The following MAN2A1 variants were observed in gnomAD, a reference collection of about 807,000 sequenced individuals.
The protein encoded by MAN2A1 is mannosidase alpha class 2A member 1.
In MAN2A1, 76 loss-of-function variants were observed where a neutral mutation model predicts 142.6. That is an observed-to-expected ratio of 0.53 (90% CI 0.44 to 0.65). MAN2A1 has a LOEUF of 0.65. MAN2A1 is among the 30% of genes least tolerant of loss of function. The probability of loss-of-function intolerance (pLI) is 0.00; values close to 1 mark genes in which losing one functional copy is unlikely to be tolerated. For synonymous variants in MAN2A1, 559 were observed against 473.2 expected (o/e 1.18, Z -2.35); for missense variants, 1,311 against 1,365.1 (o/e 0.96, Z 0.62).
At chr5:109,841,162 A>G (rs986706914) in intron 16 of MAN2A1, among the ~76,000 whole-genome samples, 6 of 152,082 alleles carry the variant, frequency 3.9e-5, no homozygotes, top group African/African-American at 9.7e-5. Context: ...AAAAATTTCC[A>G]TAGGTTATTG....
intron 8 of MAN2A1, among the ~76,000 whole-genome samples, chr5:109,775,609 C>T (rs1753268103): frequency 6.6e-6 from 1 of 152,020 alleles, no homozygotes; most frequent in Admixed American, 6.6e-5. Context: ...CTTGTTTCAG[C>T]CATGCCACAC....
At position 109,690,524 on chromosome 5, in the gene MAN2A1, A is replaced by G. The variant is rs773004910; in HGVS notation, c.107A>G (p.Asn36Ser). 6.2e-7 allele frequency: 1 copy of G among 1,611,176 alleles called. No homozygotes were observed. The highest frequency in any genetic ancestry group is 8.5e-7 in the Non-Finnish European group (1 of 1,178,660). ...LDRGHLDYPR[N>S]PRREGSFPQG... ...CGGGGTCACTTAGACTACCCCAGGA[A>G]CCCGCGCCGCGAGGGCTCCTTCCCT... Residue 36 changes from asparagine (N) to serine (S), a missense_variant, in exon 1 of 22, where the codon AAC becomes AGC. Around this residue, in one of 3 missense-constraint regions of MAN2A1, gnomAD observed 409 missense variants for 412.7 expected, o/e 0.99. Transcript: ENST00000261483.
intron 12 of MAN2A1, among the ~76,000 whole-genome samples, chr5:109,815,611 T>A (rs1234278262): frequency 6.6e-6 from 1 of 152,226 alleles, no homozygotes; most frequent in Admixed American, 6.5e-5. Context: ...AATTTATAAG[T>A]CTAGTGTCAT....
intron 3 of MAN2A1, among the ~76,000 whole-genome samples, chr5:109,726,677 A>C (rs2112579789): frequency 6.6e-6 from 1 of 152,320 alleles, no homozygotes; most frequent in East Asian, 1.9e-4. Context: ...TTCATTCATC[A>C]CAGATTATAA....
chr5:109,850,487 A>G (rs1382577281), intron 19 of MAN2A1, among the ~76,000 whole-genome samples: 1 of 152,204 alleles, frequency 6.6e-6, no homozygotes, highest in Non-Finnish European at 1.5e-5. Context: ...AAGAATTAGT[A>G]TCCACTTTAG....
At chr5:109,719,342 T>A (rs1030417877) in intron 3 of MAN2A1, among the ~76,000 whole-genome samples, 2 of 152,226 alleles carry the variant, frequency 1.3e-5, no homozygotes, top group African/African-American at 2.4e-5. Flanking sequence ...AAGAATCCAC[T>A]GACTTAATAA....
chr5:109,723,835 T>C (rs1413519555), intron 3 of MAN2A1, among the ~76,000 whole-genome samples: 1 of 152,240 alleles, frequency 6.6e-6, no homozygotes, highest in Non-Finnish European at 1.5e-5. Context: ...TTTTTCTCTC[T>C]CCAGATGATG....
chr5:109,790,809 C>G (rs919988779), intron 12 of MAN2A1, among the ~76,000 whole-genome samples: 1 of 151,894 alleles, frequency 6.6e-6, no homozygotes, highest in African/African-American at 2.4e-5. Context: ...ATAATATATG[C>G]TGATATAAGT....
chr5:109,731,227 T>G (rs1288077359), intron 4 of MAN2A1, among the ~76,000 whole-genome samples: 2 of 151,908 alleles, frequency 1.3e-5, no homozygotes, highest in African/African-American at 4.8e-5. Context: ...ATGTTGGAAT[T>G]CTCCTCTTTT....
At position 109,869,601 on chromosome 5, in the gene MAN2A1, T is replaced by C. The variant is rs1321747422; in HGVS notation, c.*2603T>C. 3 of 152,190 alleles carry C rather than the reference T, an allele frequency of 2.0e-5. No homozygotes were observed. Among genetic ancestry groups the C allele is most frequent in the African/African-American group, 7.2e-5 (3 of 41,456 alleles). The allele number at this position is 152,190 out of a possible 1,614,324, so 9.4% of individuals were successfully genotyped here. A position where few individuals can be genotyped will look rare whatever the true frequency, so the allele number is the denominator to read the frequency against. ...TTGGGAATATGTAATATAAGATCTC[T>C]AATAAAAGATAATCTTATCATGTAC... On this transcript the variant is annotated 3_prime_UTR_variant, in exon 22 of 22. Transcript: ENST00000261483.
chr5:109,751,001 T>C (rs1293399521), intron 4 of MAN2A1, among the ~76,000 whole-genome samples: 1 of 152,126 alleles, frequency 6.6e-6, no homozygotes, highest in Non-Finnish European at 1.5e-5. Context: ...CTCTTTTAGC[T>C]GTTTTGAAAC....
intron 10 of MAN2A1, among the ~76,000 whole-genome samples, chr5:109,786,628 A>G (rs937115607): frequency 3.3e-5 from 5 of 152,114 alleles, no homozygotes; most frequent in African/African-American, 1.2e-4. Flanking sequence ...TTGAAAAGTC[A>G]TAAACAATTA....
Position 109,716,255 on chromosome 5 carries a change from A to G in MAN2A1, c.526A>G (p.Asn176Asp). The G allele has an allele frequency of 1.2e-6, 2 of 1,600,642 alleles. No individual in the cohort carries two copies. Among genetic ancestry groups the G allele is most frequent in the East Asian group, 4.5e-5 (2 of 44,632 alleles). ...LQVFVVPHSH[N>D]DPGWLKTFND... ...AGTCTTTGTGGTGCCTCATTCCCATAACGACCCAGGTAAAATTTGCACTTC... is the reference window on the plus strand; with the variant it reads ...AGTCTTTGTGGTGCCTCATTCCCATGACGACCCAGGTAAAATTTGCACTTC... Residue 176 changes from asparagine to aspartate, a missense_variant, in exon 3 of 22, where the codon AAC becomes GAC. Physicochemically the swap from Asn to Asp is conservative, Grantham distance 23 (BLOSUM62 1). Around this residue, in one of 3 missense-constraint regions of MAN2A1, gnomAD observed 409 missense variants for 412.7 expected, o/e 0.99. Transcript: ENST00000261483.
intron 16 of MAN2A1, among the ~76,000 whole-genome samples, chr5:109,831,838 T>C (rs1020911127): frequency 6.6e-6 from 1 of 152,052 alleles, no homozygotes; most frequent in Admixed American, 6.6e-5. Flanking sequence ...TGTGTATTTA[T>C]GTATACAGTT....
intron 12 of MAN2A1, among the ~76,000 whole-genome samples, chr5:109,806,337 A>C (rs549016337): frequency 6.6e-6 from 1 of 152,304 alleles, no homozygotes; most frequent in Admixed American, 6.5e-5. Context: ...GAACCATTCT[A>C]TGCTTCTGTA....
At chr5:109,830,486 T>A (rs759810) in intron 16 of MAN2A1, among the ~76,000 whole-genome samples, 1 of 152,028 alleles carries the variant, frequency 6.6e-6, no homozygotes, top group East Asian at 1.9e-4. Context: ...TAAATTCATC[T>A]TCTAAGAATG....
chr5:109,857,452 G>A (rs1451183122), intron 20 of MAN2A1, among the ~76,000 whole-genome samples: 1 of 152,126 alleles, frequency 6.6e-6, no homozygotes, highest in Admixed American at 6.5e-5. Context: ...AGCATAGATG[G>A]TAGAGGACAT....
intron 1 of MAN2A1, among the ~76,000 whole-genome samples, chr5:109,712,274 A>G (rs1751323027): frequency 6.6e-6 from 1 of 152,050 alleles, no homozygotes; most frequent in Non-Finnish European, 1.5e-5. Flanking sequence ...CTTGTGTGTT[A>G]TATGGTCTTT....
chr5:109,747,203 A>AT (rs950685856), intron 4 of MAN2A1, among the ~76,000 whole-genome samples: 10 of 151,438 alleles, frequency 6.6e-5, no homozygotes, highest in African/African-American at 1.2e-4. Flanking sequence ...TCTATGTTTA[A>AT]TTTTTTTTTA....
Sources: allele counts gnomAD v4.1 joint callset (sites outside exome capture counted in the v4.1 genomes callset), GRCh38; gene constraint gnomAD v4.1.1; regional missense constraint gnomAD v4.1.1; transcripts MANE v1.5; gene names NCBI Gene and HGNC (gene_info 2026-07-23, HGNC 2026-07-21).